The following TNRC18 variants were observed in gnomAD, a reference collection of about 807,000 sequenced individuals.
TNRC18 encodes trinucleotide repeat containing 18, also known as trinucleotide repeat-containing gene 18 protein.
In TNRC18, 69 loss-of-function variants were observed where a neutral mutation model predicts 226.7. The ratio of observed to expected loss-of-function variants is 0.30; its 90% CI spans 0.25 to 0.37. TNRC18 has a LOEUF of 0.37. TNRC18 is among the 10% of genes least tolerant of loss of function. The pLI, the probability that TNRC18 is intolerant of heterozygous loss-of-function variation, is 1.00. For missense variants in TNRC18, 4,754 were observed against 4,256.6 expected (o/e 1.12, Z -3.25); for synonymous variants, 2,449 against 1,927.6 (o/e 1.27, Z -7.09).
At chr7:5,326,853 A>C (rs1443148740) in intron 19 of TNRC18, among the ~76,000 whole-genome samples, 2 of 151,432 alleles carry the variant, frequency 1.3e-5, no homozygotes, top group Non-Finnish European at 2.9e-5. Flanking sequence ...GGCCAGGTGC[A>C]GTGGCTCCTG....
chr7:5,405,116 C>CAA (rs61065130), intron 2 of TNRC18, among the ~76,000 whole-genome samples: 1 of 144,972 alleles, frequency 6.9e-6, no homozygotes, highest in Non-Finnish European at 1.5e-5. Context: ...GACTTCGTCT[C>CAA]AAAAAAAAAA....
At chr7:5,413,562 G>A (rs112941599) in intron 2 of TNRC18, among the ~76,000 whole-genome samples, 1 of 152,314 alleles carries the variant, frequency 6.6e-6, no homozygotes, top group African/African-American at 2.4e-5. Context: ...GTCTCACTCT[G>A]TTGCCCAGAC....
Position 5,421,185 on chromosome 7 carries a change from G to C in TNRC18, c.62C>G (p.Ser21Cys), listed in dbSNP as rs955991776. 7.2e-7 allele frequency: 1 copy of C among 1,384,340 alleles called. No homozygotes were observed. The highest frequency in any genetic ancestry group is 2.9e-5 in the East Asian group (1 of 34,764). 85.8% of individuals were successfully genotyped at this position (1,384,340 alleles called of 1,614,324 possible). Residue 21 changes from serine (S) to cysteine (C), a missense_variant, in exon 2 of 30, where the codon TCC becomes TGC. Transcript: ENST00000430969. The part of the protein sequence containing the change: ...SVHGPPPPLL[S>C]GLAMDSHRVG... Reference sequence around the variant, plus strand: ...GCGGTGGCTGTCCATGGCCAGGCCGGACAGCAGCGGCGGCGGGGGACCGTG... The same window carrying C: ...GCGGTGGCTGTCCATGGCCAGGCCGCACAGCAGCGGCGGCGGGGGACCGTG...
At position 5,357,146 on chromosome 7, in the gene TNRC18, T is replaced by G; in HGVS notation, c.4964A>C (p.Lys1655Thr). ...GCCGCAGCCCCCGCTAGTTTTCGAT[T>G]TCCCCCCAGCACTGTCCGAAAACTT... Reference protein sequence around the residue: ...PFKFSDSAGGKSKTSGGCGRY... With the variant: ...PFKFSDSAGGTSKTSGGCGRY... Residue 1655 changes from lysine (K) to threonine (T), a missense_variant, in exon 16 of 30, where the codon AAA becomes ACA. Transcript: ENST00000430969. The G allele has an allele frequency of 6.3e-7, 1 of 1,575,546 alleles. No homozygotes were observed. Among genetic ancestry groups the G allele is most frequent in the Non-Finnish European group, 8.6e-7 (1 of 1,159,726 alleles).
chr7:5,363,946 A>G (rs1793348183), intron 11 of TNRC18, among the ~76,000 whole-genome samples: 1 of 152,180 alleles, frequency 6.6e-6, no homozygotes, highest in Middle Eastern at 3.4e-3. Flanking sequence ...TCCAGTAGAC[A>G]GTTCCAGAAA....
intron 2 of TNRC18, among the ~76,000 whole-genome samples, chr7:5,418,655 A>G (rs1440754243): frequency 6.6e-6 from 1 of 152,200 alleles, no homozygotes; most frequent in African/African-American, 2.4e-5. Flanking sequence ...ACAAAAATAA[A>G]CAAATAAAGA....
In TNRC18 at chr7:5,356,805, CGA is replaced by C. The variant is rs1294153931; in HGVS notation, c.5194+109_5194+110del. 4.4e-6 allele frequency: 6 copies of C among 1,373,488 alleles called. No homozygotes were observed. In the African/African-American group the frequency reaches 8.1e-5, roughly 19 times the overall value. 85.1% of individuals were successfully genotyped at this position (1,373,488 alleles called of 1,614,324 possible). On this transcript the variant is annotated intron_variant, in intron 16 of 29. Coordinates refer to ENST00000430969, the MANE Select transcript of TNRC18 (RefSeq NM_001080495.3). ...ACTGTAGTGCGCCCCAGAGAGAGAG[CGA>C]GAGCGAGAGAGAGAGTGAGGGGCGG...
chr7:5,420,430 G>C (rs942231380), intron 2 of TNRC18: 8 of 455,454 alleles, frequency 1.8e-5, no homozygotes, highest in African/African-American at 1.6e-4. Flanking sequence ...GGCCGGGGTC[G>C]CCGCCCTCCT....
chr7:5,326,430 C>CA (rs1788916850), intron 19 of TNRC18, among the ~76,000 whole-genome samples: 1 of 151,972 alleles, frequency 6.6e-6, no homozygotes, highest in Non-Finnish European at 1.5e-5. Flanking sequence ...AGGCTGCCTC[C>CA]GTTTTTTCAC....
At chr7:5,382,327 G>GCCCAGC (rs1406925403) in intron 5 of TNRC18, among the ~76,000 whole-genome samples, 1 of 152,094 alleles carries the variant, frequency 6.6e-6, no homozygotes, top group African/African-American at 2.4e-5. Context: ...CCGCCCAGAG[G>GCCCAGC]CCCAGCCCCA....
rs1368116147 is a variant in TNRC18, at chr7:5,388,759, G to A, written c.1065C>T (p.Gly355=). The A allele has an allele frequency of 3.2e-6, 4 of 1,234,048 alleles. No homozygotes were observed. Among genetic ancestry groups the A allele is most frequent in the Non-Finnish European group, 4.1e-6 (4 of 986,652 alleles). The allele number at this position is 1,234,048 out of a possible 1,614,324, so 76.4% of individuals were successfully genotyped here. A position where few individuals can be genotyped will look rare whatever the true frequency, so the allele number is the denominator to read the frequency against. The part of the protein sequence containing the change: ...PPAPPAATPA[G]VYTVFREQGR... ...CCTGCTCGCGGAAGACGGTGTAGAC[G>A]CCGGCGGGGGTGGCCGCGGGGGGTG... is the stretch of plus-strand genomic sequence containing the variant. The change falls in exon 5 of 30, where the codon GGC becomes GGT. Residue 355 remains glycine, a synonymous_variant. Transcript: ENST00000430969.
Position 5,309,041 on chromosome 7 carries a change from G to C in TNRC18, c.8625+91C>G, listed in dbSNP as rs1357634253. The C allele has an allele frequency of 2.7e-6, 4 of 1,498,220 alleles. No homozygotes were observed. The highest frequency in any genetic ancestry group is 1.4e-5 in the African/African-American group (1 of 72,156). 92.8% of individuals were successfully genotyped at this position (1,498,220 alleles called of 1,614,324 possible). On this transcript the variant is annotated intron_variant, in intron 28 of 29. Transcript: ENST00000430969. This position sits in a 1 kb window ranked among gnomAD's most constrained non-coding sequence, Gnocchi z 5.7. Reference sequence around the variant, plus strand: ...GGACAGGGCTGACCCACTGGGCAGGGCTGCTGATGCTCCAGCACCCAGAAC... The same window carrying C: ...GGACAGGGCTGACCCACTGGGCAGGCCTGCTGATGCTCCAGCACCCAGAAC...
intron 17 of TNRC18, among the ~76,000 whole-genome samples, chr7:5,346,834 C>A (rs7798539): frequency 3.3e-5 from 5 of 152,062 alleles, no homozygotes; most frequent in South Asian, 4.1e-4. Flanking sequence ...AGGAGAAAGC[C>A]ATTTGCAAGC....
intron 5 of TNRC18, among the ~76,000 whole-genome samples, chr7:5,383,503 A>G (rs1779542041): frequency 6.6e-6 from 1 of 152,210 alleles, no homozygotes; most frequent in South Asian, 2.1e-4. Flanking sequence ...AGAGGGCTCG[A>G]GGCTCTTGTT....
chr7:5,355,544 G>C (rs1460270778), intron 16 of TNRC18, among the ~76,000 whole-genome samples: 1 of 152,208 alleles, frequency 6.6e-6, no homozygotes, highest in Non-Finnish European at 1.5e-5. Flanking sequence ...TTAAGGCCAG[G>C]AGTTCCAGAC....
At chr7:5,343,016 G>C (rs916993691) in intron 18 of TNRC18, among the ~76,000 whole-genome samples, 1 of 152,124 alleles carries the variant, frequency 6.6e-6, no homozygotes, top group African/African-American at 2.4e-5. Context: ...TAGCGTTTTT[G>C]GCAATACACT....
chr7:5,423,357 G>C (rs887550332), intron 1 of TNRC18, 84 bp downstream of exon 1: 20 of 152,208 alleles, frequency 1.3e-4, no homozygotes, highest in Admixed American at 1.3e-3. Flanking sequence ...CACCCCGAGG[G>C]GCAGGCGTGG....
chr7:5,359,560 G>C lies in TNRC18; in HGVS notation c.4671C>G (p.Ser1557Arg), dbSNP rs759678508. ...KSGHSSGKLS[S>R]KSLLTSDDYE... ...AATCATCTGATGTCAGCAGAGACTT[G>C]CTGCTCAGCCTGAAACGCAGACACA... is the stretch of plus-strand genomic sequence containing the variant. Residue 1557 changes from serine to arginine, a missense_variant, in exon 15 of 30, where the codon AGC (serine) becomes AGG (arginine). Physicochemically the swap from Ser to Arg is moderately radical, Grantham distance 110. Transcript: ENST00000430969. 1.2e-6 allele frequency: 2 copies of C among 1,613,840 alleles called. No homozygotes were observed. Among genetic ancestry groups the C allele is most frequent in the Non-Finnish European group, 8.5e-7 (1 of 1,179,886 alleles).
At chr7:5,362,172 G>C (rs1793123513) in intron 12 of TNRC18, 139 bp from the exon 13 acceptor site, 3 of 1,065,162 alleles carry the variant, frequency 2.8e-6, no homozygotes, top group Non-Finnish European at 1.3e-6. Context: ...GCCACCTCCT[G>C]ACTGTGGCCA....
Sources: gnomAD v4.1 joint callset for allele counts (sites outside exome capture counted in the v4.1 genomes callset) on GRCh38, gnomAD v4.1.1 for gene constraint, Gnocchi (gnomAD v3.1) non-coding constraint, MANE v1.5 for transcripts, NCBI Gene and HGNC (gene_info 2026-07-23, HGNC 2026-07-21) for gene names.